The following DUS1L variants were observed in gnomAD, a reference collection of about 807,000 sequenced individuals.
The protein encoded by DUS1L is tRNA-dihydrouridine(16/17) synthase [NAD(P)(+)]-like.
A neutral mutation model predicts 61.2 loss-of-function variants in DUS1L; 56 were observed. The observed-to-expected ratio is 0.92, with a 90% CI of 0.74 to 1.14. DUS1L has a LOEUF of 1.14. Among genes scored for constraint, DUS1L ranks in the 50% most tolerant of loss-of-function variants. DUS1L has a pLI of 0.00. For synonymous variants in DUS1L, 278 were observed against 259.5 expected, an observed-to-expected ratio of 1.07 and a Z score of -0.69; for missense variants, 630 against 632.4, an observed-to-expected ratio of 1.00 and a Z score of 0.04.
chr17:82,059,008 G>T (rs1378191948), intron 11 of DUS1L, 190 bp from the exon 12 acceptor site: 2 of 613,258 alleles, frequency 3.3e-6, no homozygotes, highest in South Asian at 1.8e-5. Flanking sequence ...AGCAATGGGT[G>T]AGGGGATGCA....
Position 82,061,339 on chromosome 17 carries a change from T to C in DUS1L, c.712A>G (p.Asn238Asp). 1 of 1,582,986 alleles carries C rather than the reference T, an allele frequency of 6.3e-7. No individual in the cohort carries two copies. The highest frequency in any genetic ancestry group is 1.1e-5 in the South Asian group (1 of 87,920). ...GVMSAEGNLH[N>D]PALFEGRSPA... is the part of the protein sequence containing the mutation. Reference sequence around the variant, plus strand: ...CTCCGGCCCTCGAACAGGGCGGGGTTGTGCAGGTTGCCCTCTGTGGGAGGA... The same window carrying C: ...CTCCGGCCCTCGAACAGGGCGGGGTCGTGCAGGTTGCCCTCTGTGGGAGGA... The change falls in exon 8 of 14, where the codon AAC becomes GAC. Residue 238 changes from asparagine to aspartate, a missense_variant. Asn to Asp is a conservative substitution (Grantham distance 23). Coordinates refer to ENST00000306796, the MANE Select transcript of DUS1L (RefSeq NM_022156.5).
In DUS1L at chr17:82,057,799, C is replaced by T. The variant is rs1360636824; in HGVS notation, c.*316G>A. On this transcript the variant is annotated 3_prime_UTR_variant, in exon 14 of 14. Coordinates refer to ENST00000306796, the MANE Select transcript of DUS1L (RefSeq NM_022156.5). The stretch of plus-strand genomic sequence containing the variant: ...AGATGTATCCTGTTGTTCAGAAGCC[C>T]CCACTGGCCCCAACCGCACCTGCCC... 1 of 263,858 alleles carries T rather than the reference C, an allele frequency of 3.8e-6. No individual in the cohort carries two copies. The highest frequency in any genetic ancestry group is 7.2e-6 in the Non-Finnish European group (1 of 138,882). 16.3% of individuals were successfully genotyped at this position (263,858 alleles called of 1,614,324 possible). A position where few individuals can be genotyped will look rare whatever the true frequency, so the allele number is the denominator to read the frequency against.
intron 5 of DUS1L, 44 bp downstream of exon 5, chr17:82,062,817 G>T: frequency 6.5e-7 from 1 of 1,529,070 alleles, no homozygotes; most frequent in South Asian, 1.1e-5. Flanking sequence ...TCTGCGCAAA[G>T]GCCCAGCTGA....
At chr17:82,060,420 AGAG>A in intron 10 of DUS1L, 1 of 581,796 alleles carries the variant, frequency 1.7e-6, no homozygotes, top group East Asian at 2.8e-5. Context: ...CACCAGGATC[AGAG>A]GAGCTCAGAG....
rs1409978958 is a variant in DUS1L at position 82,060,099 on chromosome 17, G to A, written c.1023-6C>T. On this transcript the variant is annotated splice_polypyrimidine_tract_variant and splice_region_variant and intron_variant, in intron 10 of 13. Transcript: ENST00000306796. ...CCTTGCTCCCCTCCCTGGGCCTGAG[G>A]GGAGGGCAGCGGGCAGAGCCCAAGG... 2.5e-6 allele frequency: 4 copies of A among 1,611,926 alleles called. No individual in the cohort carries two copies. The highest frequency in any genetic ancestry group is 2.5e-6 in the Non-Finnish European group (3 of 1,179,470).
chr17:82,061,777 T>A, intron 6 of DUS1L, 56 bp from the exon 7 acceptor site: 2 of 1,600,364 alleles, frequency 1.2e-6, no homozygotes, highest in Non-Finnish European at 1.7e-6. Context: ...CAGGTGATGC[T>A]GCCCCCAGCC....
At position 82,064,995 on chromosome 17, in the gene DUS1L, G is replaced by A; in HGVS notation, c.65C>T (p.Ala22Val). ...RTLRGARHVV[A>V]PMVDQSELAW... is the part of the protein sequence containing the mutation. ...CAGCTCGCTCTGGTCCACCATGGGG[G>A]CCACGACGTGGCGGGCCCCTCGCAG... The change falls in exon 2 of 14, where the codon GCC becomes GTC. Residue 22 changes from alanine to valine, a missense_variant. Coordinates refer to ENST00000306796, the MANE Select transcript of DUS1L (RefSeq NM_022156.5). 1 of 1,611,070 alleles carries A rather than the reference G, an allele frequency of 6.2e-7. No homozygotes were observed.
rs116343028 is a variant in DUS1L, at chr17:82,064,190, C to T, written c.282G>A (p.Leu94=). Residue 94 remains leucine (L), a synonymous_variant, in exon 3 of 14, where the codon CTG becomes CTA. Coordinates refer to ENST00000306796, the MANE Select transcript of DUS1L (RefSeq NM_022156.5). The part of the protein sequence containing the change: ...DPEVFVQAAL[L]AQDYCDAIDL... ...CAATGGCGTCACAGTAATCCTGAGCCAGGAGAGCCGCCTGAACAAACACCT... is the reference window on the plus strand; with the variant it reads ...CAATGGCGTCACAGTAATCCTGAGCTAGGAGAGCCGCCTGAACAAACACCT... 1.2e-6 allele frequency: 2 copies of T among 1,612,756 alleles called. No individual in the cohort carries two copies. Among genetic ancestry groups the T allele is most frequent in the South Asian group, 1.1e-5 (1 of 91,038 alleles).
At chr17:82,063,390 CCCAA>C in intron 4 of DUS1L, 74 bp downstream of exon 4, 1 of 1,600,364 alleles carries the variant, frequency 6.2e-7, no homozygotes, top group Non-Finnish European at 8.6e-7. Context: ...TCTCCTGAGC[CCCAA>C]CCAAGTGGAC....
Position 82,062,908 on chromosome 17 carries a change from C to T in DUS1L, c.463G>A (p.Asp155Asn), listed in dbSNP as rs775989479. The change falls in exon 5 of 14, where the codon GAC (aspartate) becomes AAC (asparagine). Residue 155 changes from aspartate to asparagine, a missense_variant. Asp to Asn is a conservative substitution (Grantham distance 23). Transcript: ENST00000306796. ...ATCTGGGCGTACCTCACGGTCTTGT[C>T]AATCTCCGGGAAGACACGGATTTTG... ...TCKIRVFPEI[D>N]KTVRYAQMLE... The T allele has an allele frequency of 1.4e-4, 218 of 1,612,958 alleles. No individual in the cohort carries two copies. The highest frequency in any genetic ancestry group is 1.8e-4 in the Non-Finnish European group (216 of 1,179,956).
intron 12 of DUS1L, 172 bp downstream of exon 12, chr17:82,058,609 G>A: frequency 6.7e-7 from 1 of 1,483,330 alleles, no homozygotes. Flanking sequence ...TCCAGGCCTG[G>A]GCAGGGGCTT....
chr17:82,061,697 A>G lies in DUS1L; in HGVS notation c.618T>C (p.Phe206=). 6.2e-7 allele frequency: 1 copy of G among 1,613,012 alleles called. No individual in the cohort carries two copies. Among genetic ancestry groups the G allele is most frequent in the Non-Finnish European group, 8.5e-7 (1 of 1,179,910 alleles). ...GCAGGCACTGGATGTTCCCGTTAGCAAACACAGGGATGGCCACAGCCTTCC... is the reference window on the plus strand; with the variant it reads ...GCAGGCACTGGATGTTCCCGTTAGCGAACACAGGGATGGCCACAGCCTTCC... ...AVRKAVAIPV[F]ANGNIQCLQD... is the part of the protein sequence containing the mutation. Residue 206 remains phenylalanine, a synonymous_variant, in exon 7 of 14, where the codon TTT becomes TTC. Transcript: ENST00000306796.
rs768936675 is a variant in DUS1L at position 82,061,318 on chromosome 17, G to A, written c.733C>T (p.Arg245Trp). ...GCCAGCTCCCACACGGCAGGGCTCC[G>A]GCCCTCGAACAGGGCGGGGTTGTGC... is the stretch of plus-strand genomic sequence containing the variant. The part of the protein sequence containing the change: ...NLHNPALFEG[R>W]SPAVWELAEE... The change falls in exon 8 of 14, where the codon CGG becomes TGG. Residue 245 changes from arginine to tryptophan, a missense_variant. By Grantham distance (101) the Arg-to-Trp change is moderately radical (BLOSUM62 -3). Coordinates refer to ENST00000306796, the MANE Select transcript of DUS1L (RefSeq NM_022156.5). 30 of 1,608,694 alleles carry A rather than the reference G, an allele frequency of 1.9e-5. 1 individual carries two copies. In the Admixed American group the frequency reaches 2.2e-4, roughly 12 times the overall value.
intron 11 of DUS1L, 139 bp downstream of exon 11, chr17:82,059,809 C>T (rs940362469): frequency 1.7e-5 from 22 of 1,300,652 alleles, no homozygotes; most frequent in African/African-American, 3.0e-5. Context: ...GACTACTCCG[C>T]CAAGCCCTCC....
At chr17:82,059,768 C>A in intron 11 of DUS1L, 180 bp downstream of exon 11, 1 of 795,704 alleles carries the variant, frequency 1.3e-6, no homozygotes, top group Non-Finnish European at 2.0e-6. Context: ...GTGGCCTGCA[C>A]AGGGTCCCCG....
rs780976841 is a variant in DUS1L, at chr17:82,063,454, C to T, written c.397+14G>A. On this transcript the variant is annotated intron_variant, in intron 4 of 13. Transcript: ENST00000306796. ...GTCTCTGGGGGTCCTTCACCATCCA[C>T]CCAGCCAACTCACTCATTCTTTGGA... The T allele has an allele frequency of 6.2e-7, 1 of 1,613,800 alleles. No individual in the cohort carries two copies. The highest frequency in any genetic ancestry group is 1.1e-5 in the South Asian group (1 of 91,064).
chr17:82,065,188 G>A, intron 1 of DUS1L, 119 bp from the exon 2 acceptor site: 1 of 884,394 alleles, frequency 1.1e-6, no homozygotes. Context: ...GTCACACGCG[G>A]GGGCACTAAA....
chr17:82,058,009 G>GTCTT lies in DUS1L; in HGVS notation c.*102_*105dup. ...GTGGGCCGAAGGGGGACATGGGCGT[G>GTCTT]TCTTTCCACATTAAGTAGCAGGAGA... On this transcript the variant is annotated 3_prime_UTR_variant, in exon 14 of 14. Coordinates refer to ENST00000306796, the MANE Select transcript of DUS1L (RefSeq NM_022156.5). The GTCTT allele has an allele frequency of 7.2e-7, 1 of 1,383,624 alleles. No homozygotes were observed. Among genetic ancestry groups the GTCTT allele is most frequent in the Non-Finnish European group, 9.5e-7 (1 of 1,052,878 alleles). The allele number at this position is 1,383,624 out of a possible 1,614,324, so 85.7% of individuals were successfully genotyped here.
chr17:82,063,003 G>C (rs1431743828), intron 4 of DUS1L, 30 bp from the exon 5 acceptor site: 1 of 1,578,428 alleles, frequency 6.3e-7, no homozygotes, highest in South Asian at 1.1e-5. Flanking sequence ...CTTCTGAGGG[G>C]GCCATGGTGT....
Sources: gnomAD v4.1 joint callset for allele counts on GRCh38, gnomAD v4.1.1 for gene constraint, MANE v1.5 for transcripts, NCBI Gene and HGNC (gene_info 2026-07-23, HGNC 2026-07-21) for gene names.